The following ZFHX3 variants were observed in gnomAD, a reference collection of about 807,000 sequenced individuals.
ZFHX3 encodes zinc finger homeobox protein 3.
Under a neutral mutation model 279.1 loss-of-function variants are expected in ZFHX3, and 42 were observed. That is an observed-to-expected ratio of 0.15 (90% confidence interval 0.12 to 0.19). The LOEUF (loss-of-function observed/expected upper bound fraction) is 0.19, where lower values mean the gene tolerates loss of function less well. Ranked by LOEUF, ZFHX3 falls within the 10% of genes least tolerant of loss-of-function variation. ZFHX3 has a pLI of 1.00. For missense variants in ZFHX3, 4,981 were observed against 4,754.0 expected, an observed-to-expected ratio of 1.05 and a Z score of -1.40; for synonymous variants, 2,293 against 1,957.8, an observed-to-expected ratio of 1.17 and a Z score of -4.52.
At chr16:73,325,439 G>A (rs951141782) in intron 3 of ZFHX3, among the ~76,000 whole-genome samples, 2 of 152,190 alleles carry the variant, frequency 1.3e-5, no homozygotes, top group South Asian at 2.1e-4. Flanking sequence ...GATCTGGGGT[G>A]AGTCTGGTGA....
intron 5 of ZFHX3, among the ~76,000 whole-genome samples, chr16:73,211,800 G>C (rs1418510386): frequency 6.6e-6 from 1 of 152,030 alleles, no homozygotes. Flanking sequence ...CAGTGGTTGA[G>C]TGGTGTTTTG....
At chr16:73,679,708 C>T (rs1414293610) in intron 2 of ZFHX3, 1 of 152,094 alleles carries the variant, frequency 6.6e-6, no homozygotes, top group Non-Finnish European at 1.5e-5. Flanking sequence ...AATCAGAATC[C>T]AGAGTTGTGC....
chr16:72,813,742 T>C (rs953623604), intron 5 of ZFHX3, among the ~76,000 whole-genome samples: 1 of 152,204 alleles, frequency 6.6e-6, no homozygotes, highest in Non-Finnish European at 1.5e-5. Flanking sequence ...TGAAAGGTAA[T>C]ACATGACGGC....
chr16:73,402,825 A>C (rs1015916577), intron 3 of ZFHX3, among the ~76,000 whole-genome samples: 1 of 152,148 alleles, frequency 6.6e-6, no homozygotes, highest in Admixed American at 6.5e-5. Flanking sequence ...TCCAAGAATA[A>C]ATCAGGAAGT....
chr16:73,864,638 G>C (rs1179707340), intron 1 of ZFHX3, among the ~76,000 whole-genome samples: 1 of 152,132 alleles, frequency 6.6e-6, no homozygotes, highest in Non-Finnish European at 1.5e-5. Context: ...AAAATTGCTT[G>C]AACCCAGGAG....
In ZFHX3 at chr16:73,503,033, T is replaced by A. The variant is rs531579750; in HGVS notation, c.-1546-46775A>T. On this transcript the variant is annotated intron_variant, in intron 2 of 17. Transcript: ENST00000641206. ...TGGGATGATCAGTCCCATTATGTTG[T>A]GCTCACTCGGAACTGCAGGCCCCCT... 2.0e-5 allele frequency among the ~76,000 whole-genome samples: 3 copies of A among 152,336 alleles called. No individual in the cohort carries two copies. The South Asian group carries it at 6.2e-4, about 32-fold the overall frequency.
chr16:72,860,259 C>T (rs1052005695), intron 4 of ZFHX3, among the ~76,000 whole-genome samples: 2 of 152,134 alleles, frequency 1.3e-5, no homozygotes, highest in Non-Finnish European at 2.9e-5. Context: ...GCCGCAGACA[C>T]CCGCTTCCTG....
chr16:73,250,691 G>A (rs183697412), intron 5 of ZFHX3, among the ~76,000 whole-genome samples: 1 of 149,248 alleles, frequency 6.7e-6, no homozygotes, highest in East Asian at 2.3e-4. Flanking sequence ...CCGCCACCAC[G>A]TCTGGCTAAT....
intron 4 of ZFHX3, among the ~76,000 whole-genome samples, chr16:73,296,981 C>A (rs370571195): frequency 4.0e-5 from 6 of 149,496 alleles, no homozygotes; most frequent in African/African-American, 1.5e-4. Flanking sequence ...AGGTTCATGC[C>A]ATTCTCCTGC....
chr16:72,904,367 AAAATAAAT>A (rs200166214), intron 3 of ZFHX3, among the ~76,000 whole-genome samples: 6,729 of 139,950 alleles, frequency 0.048, 202 homozygotes, highest in African/African-American at 0.058. Context: ...ATTCTGTCTC[AAAATAAAT>A]AAATAAATAA....
chr16:72,934,602 C>T (rs1303890950), intron 3 of ZFHX3, among the ~76,000 whole-genome samples: 3 of 152,186 alleles, frequency 2.0e-5, no homozygotes, highest in African/African-American at 7.2e-5. Flanking sequence ...CAAACTCCAG[C>T]TTGCCCCTCC....
intron 4 of ZFHX3, among the ~76,000 whole-genome samples, chr16:72,872,135 A>C (rs868344158): frequency 6.6e-6 from 1 of 152,160 alleles, no homozygotes; most frequent in African/African-American, 2.4e-5. Flanking sequence ...TTACAAATTG[A>C]AATTAAAATA....
intron 2 of ZFHX3, among the ~76,000 whole-genome samples, chr16:73,509,438 T>C (rs891403794): frequency 2.0e-5 from 3 of 151,838 alleles, no homozygotes; most frequent in Admixed American, 6.6e-5. Flanking sequence ...CAGTTCTGCA[T>C]GATGTGGGCT....
chr16:73,746,614 A>G (rs1482353920), intron 1 of ZFHX3, among the ~76,000 whole-genome samples: 7 of 152,184 alleles, frequency 4.6e-5, no homozygotes, highest in Admixed American at 4.6e-4. Context: ...GATTTCCTGT[A>G]TGGAGGACCA....
rs181418195 is a variant in ZFHX3 at position 73,342,323 on chromosome 16, G to C, written c.-1290-23987C>G. Reference sequence around the variant, plus strand: ...AATGTCACGTTTAGGAATTCACCTAGGTAATTTATCCTGAAGACACCTGTC... The same window carrying C: ...AATGTCACGTTTAGGAATTCACCTACGTAATTTATCCTGAAGACACCTGTC... On this transcript the variant is annotated intron_variant, in intron 3 of 17. Transcript: ENST00000641206. 6.8e-3 allele frequency among the ~76,000 whole-genome samples: 1,031 copies of C among 152,234 alleles called. 6 individuals are homozygous for C. The highest frequency in any genetic ancestry group is 0.011 in the Non-Finnish European group (773 of 68,030).
chr16:72,788,406 GGCCTGCAGCTGT>G lies in ZFHX3; in HGVS notation c.9858_9869del (p.Gln3287_Ala3290del). 1 of 1,614,206 alleles carries G rather than the reference GGCCTGCAGCTGT, an allele frequency of 6.2e-7. No individual in the cohort carries two copies. The highest frequency in any genetic ancestry group is 1.1e-5 in the South Asian group (1 of 91,090). ...GGTCCGAAGTCAACGCGGCCTGCAG[GGCCTGCAGCTGT>G]GCAGGGTCTACCGCATACTCCATGG... On this transcript the variant is annotated inframe_deletion, in exon 10 of 10. Coordinates refer to ENST00000268489, the MANE Select transcript of ZFHX3 (RefSeq NM_006885.4).
chr16:73,715,069 A>T (rs2053401367), intron 1 of ZFHX3, among the ~76,000 whole-genome samples: 1 of 152,164 alleles, frequency 6.6e-6, no homozygotes, highest in Non-Finnish European at 1.5e-5. Flanking sequence ...AGCATATAGC[A>T]TCTGCTCCCA....
chr16:73,010,780 G>T (rs1013541393), intron 1 of ZFHX3, among the ~76,000 whole-genome samples: 6 of 152,152 alleles, frequency 3.9e-5, no homozygotes, highest in Non-Finnish European at 7.3e-5. Flanking sequence ...TCTACTCTCT[G>T]ACCAACATTG....
intron 1 of ZFHX3, among the ~76,000 whole-genome samples, chr16:73,797,952 G>A (rs916271369): frequency 2.6e-5 from 4 of 151,334 alleles, no homozygotes; most frequent in South Asian, 2.1e-4. Flanking sequence ...GATTACAGGC[G>A]CTCGCCACTA....
Sources: allele counts gnomAD v4.1 joint callset (sites outside exome capture counted in the v4.1 genomes callset), GRCh38; gene constraint gnomAD v4.1.1; transcripts MANE v1.5; gene names NCBI Gene and HGNC (gene_info 2026-07-23, HGNC 2026-07-21).